CDON: variants seen among roughly 807,000 people sequenced by gnomAD.
The protein encoded by CDON is cell adhesion associated, oncogene regulated.
A neutral mutation model predicts 120.9 loss-of-function variants in CDON; 73 were observed. The observed-to-expected ratio is 0.60, with a 90% CI of 0.50 to 0.73. CDON has a LOEUF of 0.73. Among genes scored for constraint, CDON ranks in the 30% least tolerant of loss-of-function variants. CDON has a pLI of 0.00. For synonymous variants in CDON, 566 were observed against 573.5 expected (o/e 0.99, Z 0.19); for missense variants, 1,470 against 1,587.3 (o/e 0.93, Z 1.26).
At position 126,039,415 on chromosome 11, in the gene CDON, G is replaced by C. The variant is rs949164038; in HGVS notation, c.-61-15878C>G. ...GCCATCTACTATTGGTATTTCATTA[G>C]AAAACAAAGTAGTAAGCAAGAAGTA... On this transcript the variant is annotated intron_variant, in intron 1 of 19. Transcript: ENST00000531738. 7.2e-5 allele frequency among the ~76,000 whole-genome samples: 11 copies of C among 152,132 alleles called. 1 individual carries two copies. The highest frequency in any genetic ancestry group is 7.2e-4 in the Admixed American group (11 of 15,272).
chr11:125,991,958 A>G (rs573451145), intron 14 of CDON, among the ~76,000 whole-genome samples: 30 of 152,196 alleles, frequency 2.0e-4, no homozygotes, highest in Non-Finnish European at 3.4e-4. Flanking sequence ...AGAATTTTGT[A>G]AAAGCTCAAA....
chr11:126,037,514 T>C (rs1948132762), intron 1 of CDON, among the ~76,000 whole-genome samples: 1 of 152,174 alleles, frequency 6.6e-6, no homozygotes, highest in South Asian at 2.1e-4. Flanking sequence ...AGTACCTATA[T>C]TCAAAGTAGT....
chr11:126,033,300 G>A (rs1313533315), intron 1 of CDON, among the ~76,000 whole-genome samples: 1 of 152,070 alleles, frequency 6.6e-6, no homozygotes, highest in African/African-American at 2.4e-5. Context: ...AGGAGCTGGA[G>A]GTAAGTGGGG....
chr11:126,041,583 A>C (rs746838290), intron 1 of CDON, among the ~76,000 whole-genome samples: 5 of 152,248 alleles, frequency 3.3e-5, no homozygotes, highest in Non-Finnish European at 7.3e-5. Flanking sequence ...AAATTCTACC[A>C]CATAATGCTA....
At chr11:126,062,969 G>A (rs1342933816), upstream of CDON, among the ~76,000 whole-genome samples, 1 of 151,800 alleles carries the variant, frequency 6.6e-6, no homozygotes, top group Admixed American at 6.6e-5. Context: ...AGCGGGAGGA[G>A]GGACCGGGGA....
Position 125,984,098 on chromosome 11 carries a change from T to C in CDON, c.2774-5A>G, listed in dbSNP as rs1416537747. ...AAGCTCCAGGAACACGTTTCACTAGTTGAAATATAAAGGAAAACATGATGT... is the reference window on the plus strand; with the variant it reads ...AAGCTCCAGGAACACGTTTCACTAGCTGAAATATAAAGGAAAACATGATGT... On this transcript the variant is annotated splice_polypyrimidine_tract_variant and splice_region_variant and intron_variant, in intron 15 of 19. Transcript: ENST00000531738. 1 of 1,585,238 alleles carries C rather than the reference T, an allele frequency of 6.3e-7. No individual in the cohort carries two copies. Among genetic ancestry groups the C allele is most frequent in the Non-Finnish European group, 8.7e-7 (1 of 1,153,690 alleles).
At chr11:126,050,992 T>C (rs1022415991) in intron 1 of CDON, among the ~76,000 whole-genome samples, 3 of 151,834 alleles carry the variant, frequency 2.0e-5, no homozygotes, top group Non-Finnish European at 2.9e-5. Flanking sequence ...TACAAGCAAA[T>C]GGGGACTTCG....
intron 16 of CDON, among the ~76,000 whole-genome samples, chr11:125,982,809 A>G (rs1396564823): frequency 6.6e-6 from 1 of 152,056 alleles, no homozygotes; most frequent in African/African-American, 2.4e-5. Flanking sequence ...AATTAAAGGC[A>G]ATGGCATTAA....
intron 14 of CDON, 141 bp from the exon 15 acceptor site, chr11:125,989,900 T>A: frequency 1.4e-6 from 1 of 719,836 alleles, no homozygotes; most frequent in East Asian, 2.9e-5. Context: ...TACTTAATAG[T>A]AAGTATTTGA....
At chr11:125,974,340 T>TGTAG (rs143014617) in intron 18 of CDON, among the ~76,000 whole-genome samples, 9 of 123,512 alleles carry the variant, frequency 7.3e-5, no homozygotes, top group Non-Finnish European at 9.8e-5. Flanking sequence ...AGCAAACATT[T>TGTAG]GTAGGTAGGT....
rs1329686836 is a variant in CDON at position 125,961,938 on chromosome 11, T to TACC, written c.3414_3416dup (p.Val1139dup). ...CCAAACCATCCTGAGGATAAGGTGC[T>TACC]ACCACAGGGACCACAGGAGGAGGGC... is the stretch of plus-strand genomic sequence containing the variant. On this transcript the variant is annotated inframe_insertion, in exon 19 of 20. Transcript: ENST00000531738. 6.2e-7 allele frequency: 1 copy of TACC among 1,614,092 alleles called. No homozygotes were observed. The highest frequency in any genetic ancestry group is 2.2e-5 in the East Asian group (1 of 44,900).
intron 1 of CDON, among the ~76,000 whole-genome samples, chr11:126,026,124 A>C (rs368485200): frequency 6.6e-6 from 1 of 152,272 alleles, no homozygotes; most frequent in Admixed American, 6.5e-5. Flanking sequence ...ATACAATAGA[A>C]TGCAATTCCC....
At chr11:126,052,185 A>G (rs1948578731) in intron 1 of CDON, among the ~76,000 whole-genome samples, 1 of 152,244 alleles carries the variant, frequency 6.6e-6, no homozygotes. Flanking sequence ...CAGTCAAAAC[A>G]TGATTACTGC....
chr11:125,962,142 T>C, intron 18 of CDON, 144 bp from the exon 19 acceptor site: 1 of 717,702 alleles, frequency 1.4e-6, no homozygotes, highest in South Asian at 1.6e-5. Flanking sequence ...AATGATTCAC[T>C]ATGATTTGAA....
At chr11:125,991,817 C>G (rs1946639552) in intron 14 of CDON, among the ~76,000 whole-genome samples, 1 of 152,102 alleles carries the variant, frequency 6.6e-6, no homozygotes, top group South Asian at 2.1e-4. Flanking sequence ...ACTTAAACAT[C>G]TAACTGCTCA....
chr11:126,014,361 A>G (rs1394629166), intron 7 of CDON, among the ~76,000 whole-genome samples: 1 of 152,184 alleles, frequency 6.6e-6, no homozygotes, highest in African/African-American at 2.4e-5. Flanking sequence ...TATAGATTAA[A>G]TGGTTCTCTT....
chr11:125,963,385 A>C (rs1391053126), intron 18 of CDON, among the ~76,000 whole-genome samples: 3 of 152,200 alleles, frequency 2.0e-5, no homozygotes, highest in Non-Finnish European at 4.4e-5. Flanking sequence ...TTAGGTAGGA[A>C]ACACATAGGA....
chr11:125,958,147 GCA>G lies in CDON; in HGVS notation c.*2793_*2794del, dbSNP rs1591535373. Reference sequence around the variant, plus strand: ...GTTGGAGCCTCGGAGGAATTCCACGGCAGGGATAGATCACAGCATACGGAACG... The same window carrying G: ...GTTGGAGCCTCGGAGGAATTCCACGGGGGATAGATCACAGCATACGGAACG... On this transcript the variant is annotated 3_prime_UTR_variant, in exon 20 of 20. Transcript: ENST00000531738. The G allele has an allele frequency of 6.6e-6, 1 of 152,208 alleles. No homozygotes were observed. The highest frequency in any genetic ancestry group is 1.9e-4 in the East Asian group (1 of 5,188). 9.4% of individuals were successfully genotyped at this position (152,208 alleles called of 1,614,324 possible). A position where few individuals can be genotyped will look rare whatever the true frequency, so the allele number is the denominator to read the frequency against.
At position 126,062,648 on chromosome 11, in the gene CDON, C is replaced by A; in HGVS notation, c.-131G>T. On this transcript the variant is annotated 5_prime_UTR_variant, in exon 1 of 20. It removes an upstream start codon present in the reference 5' UTR. Transcript: ENST00000531738. ...CCGGCTCGGAAAGCCACCCCCAGGT[C>A]ATCCCCCCGCGCGCGCGCGGCGGCG... The A allele has an allele frequency of 6.5e-6, 1 of 154,742 alleles. No individual in the cohort carries two copies. The highest frequency in any genetic ancestry group is 1.4e-5 in the Non-Finnish European group (1 of 70,406). 9.6% of individuals were successfully genotyped at this position (154,742 alleles called of 1,614,324 possible). A position where few individuals can be genotyped will look rare whatever the true frequency, so the allele number is the denominator to read the frequency against.
Sources: allele counts gnomAD v4.1 joint callset (sites outside exome capture counted in the v4.1 genomes callset), GRCh38; gene constraint gnomAD v4.1.1; transcripts MANE v1.5; gene names NCBI Gene and HGNC (gene_info 2026-07-23, HGNC 2026-07-21).